Variants in SYNE4 observed in about 807,000 individuals in gnomAD.
SYNE4 encodes spectrin repeat containing nuclear envelope family member 4, also known as nesprin-4.
Under a neutral mutation model 46.9 loss-of-function variants are expected in SYNE4, and 41 were observed. The observed-to-expected ratio is 0.87, with a 90% CI of 0.68 to 1.13. The LOEUF is 1.13. Ranked by LOEUF, SYNE4 falls within the 50% of genes most tolerant of loss-of-function variation. The probability of loss-of-function intolerance (pLI) is 0.00; values close to 1 mark genes in which losing one functional copy is unlikely to be tolerated. For synonymous variants in SYNE4, 221 were observed against 219.5 expected (o/e 1.01, Z -0.06); for missense variants, 492 against 514.8 (o/e 0.96, Z 0.43).
At position 36,006,642 on chromosome 19, in the gene SYNE4, C is replaced by G. The variant is rs773136838; in HGVS notation, c.648G>C (p.Gln216His). The change falls in exon 5 of 8, where the codon CAG becomes CAC. Residue 216 changes from glutamine to histidine, a missense_variant. Coordinates refer to ENST00000324444, the MANE Select transcript of SYNE4 (RefSeq NM_001039876.3). ...CCGAGTCTCCCTCGACCTCCAAGTC[C>G]TGGTCCAGCGTGTTGGCCTCCTCGA... The part of the protein sequence containing the change: ...LVFEEANTLD[Q>H]DLEVEGDSDW... The G allele has an allele frequency of 2.5e-6, 4 of 1,608,764 alleles. No homozygotes were observed. The East Asian group carries it at 6.7e-5, about 27-fold the overall frequency.
chr19:36,007,844 C>T (rs1347856359), intron 2 of SYNE4, among the ~76,000 whole-genome samples: 1 of 151,572 alleles, frequency 6.6e-6, no homozygotes, highest in African/African-American at 2.4e-5. Flanking sequence ...GCCAACAAGT[C>T]GAAAACCCAT....
At chr19:36,006,381 A>C in intron 5 of SYNE4, 42 bp downstream of exon 5, 5 of 1,555,248 alleles carry the variant, frequency 3.2e-6, no homozygotes, top group Non-Finnish European at 4.3e-6. Context: ...AGATGTCCCC[A>C]GGGTGCCTGG....
chr19:36,006,985 C>T (rs1387302413), intron 3 of SYNE4, 41 bp from the exon 4 acceptor site: 2 of 1,531,698 alleles, frequency 1.3e-6, no homozygotes, highest in East Asian at 2.5e-5. Flanking sequence ...ACACCAGGGA[C>T]CCAAAACCTG....
At chr19:36,003,548 T>C (rs771636023) in intron 7 of SYNE4, 28 bp from the exon 8 acceptor site, 4 of 1,599,566 alleles carry the variant, frequency 2.5e-6, no homozygotes, top group Non-Finnish European at 2.6e-6. Flanking sequence ...GTGTTAAACA[T>C]ACAGGTGGGC....
chr19:36,003,477 T>G lies in SYNE4; in HGVS notation c.1075A>C (p.Ile359Leu). The G allele has an allele frequency of 6.2e-7, 1 of 1,608,442 alleles. No individual in the cohort carries two copies. The highest frequency in any genetic ancestry group is 8.5e-7 in the Non-Finnish European group (1 of 1,177,424). Residue 359 changes from isoleucine to leucine, a missense_variant, in exon 8 of 8, where the codon ATC becomes CTC. Physicochemically the swap from Ile to Leu is conservative, Grantham distance 5. Coordinates refer to ENST00000324444, the MANE Select transcript of SYNE4 (RefSeq NM_001039876.3). Reference protein sequence around the residue: ...ASRQPLTFLLILFLLFLLLVG... With the variant: ...ASRQPLTFLLLLFLLFLLLVG... ...AGGAGGAGGAAGAGGAGGAAGAGGATAAGGAGGAAGGTCAGAGGCTGCCTG... is the reference window on the plus strand; with the variant it reads ...AGGAGGAGGAAGAGGAGGAAGAGGAGAAGGAGGAAGGTCAGAGGCTGCCTG...
At position 36,005,697 on chromosome 19, in the gene SYNE4, T is replaced by C. The variant is rs143902403; in HGVS notation, c.868-260A>G. The C allele has an allele frequency of 1.0e-3, 438 of 427,060 alleles. 2 individuals carry two copies. The highest frequency in any genetic ancestry group is 7.7e-3 in the African/African-American group (386 of 50,236). The allele number at this position is 427,060 out of a possible 1,614,324, so 26.5% of individuals were successfully genotyped here. On this transcript the variant is annotated intron_variant, in intron 5 of 7. Transcript: ENST00000324444. ...AAATTCCTGGCCTCCGTGGAGCTTA[T>C]ATTTGACAGGAGAGAGACCATAAAT...
At chr19:36,008,147 T>C in intron 2 of SYNE4, 70 bp downstream of exon 2, 1 of 1,513,732 alleles carries the variant, frequency 6.6e-7, no homozygotes, top group South Asian at 1.3e-5. Context: ...GTCCTCAGTA[T>C]GGAGGCCAGA....
At chr19:36,008,407 C>G in intron 1 of SYNE4, 40 bp from the exon 2 acceptor site, 2 of 1,564,740 alleles carry the variant, frequency 1.3e-6, no homozygotes, top group South Asian at 1.2e-5. Context: ...GTCTCGACAC[C>G]TCACTTTTCA....
chr19:36,006,886 C>A lies in SYNE4; in HGVS notation c.482G>T (p.Gly161Val), dbSNP rs1383128911. 2 of 1,565,616 alleles carry A rather than the reference C, an allele frequency of 1.3e-6. No individual in the cohort carries two copies. The highest frequency in any genetic ancestry group is 2.3e-5 in the South Asian group (2 of 85,376). ...AERVEALLAF[G>V]EGLAQRSEPR... ...CTCACTCCGCTGTGCCAGCCCCTCA[C>A]CAAACGCTAGCAGCGCCTCCACACG... Residue 161 changes from glycine to valine, a missense_variant, in exon 4 of 8, where the codon GGT (glycine) becomes GTT (valine). Gly to Val is a moderately radical substitution (Grantham distance 109). Transcript: ENST00000324444.
In SYNE4 at chr19:36,008,464, G is replaced by A. The variant is rs1968465849; in HGVS notation, c.128+90C>T. The A allele has an allele frequency of 6.9e-6, 11 of 1,602,488 alleles. No homozygotes were observed. The South Asian group carries it at 7.8e-5, about 11-fold the overall frequency. On this transcript the variant is annotated intron_variant, in intron 1 of 7. Coordinates refer to ENST00000324444, the MANE Select transcript of SYNE4 (RefSeq NM_001039876.3). ...GGTGGCCTCTCCTATGTCCCCAGGC[G>A]ATCACAGCCATGGCACCTCCTACCC... is the stretch of plus-strand genomic sequence containing the variant.
At chr19:36,005,810 G>A (rs1976829593) in intron 5 of SYNE4, 1 of 182,684 alleles carries the variant, frequency 5.5e-6, no homozygotes, top group South Asian at 1.2e-4. Context: ...CCTGAGGTCA[G>A]GCGTTCGAGA....
rs773798721 is a variant in SYNE4 at position 36,006,420 on chromosome 19, C to A, written c.867+3G>T. 1 of 1,604,036 alleles carries A rather than the reference C, an allele frequency of 6.2e-7. No homozygotes were observed. Among genetic ancestry groups the A allele is most frequent in the Non-Finnish European group, 8.5e-7 (1 of 1,175,414 alleles). On this transcript the variant is annotated splice_donor_region_variant and intron_variant, in intron 5 of 7. Coordinates refer to ENST00000324444, the MANE Select transcript of SYNE4 (RefSeq NM_001039876.3). The stretch of plus-strand genomic sequence containing the variant: ...AAGGTCCCTCAAGGGGGTCTGCTCT[C>A]ACCTCAAGGCCTTGTCCCCTGCCCT...
intron 6 of SYNE4, among the ~76,000 whole-genome samples, chr19:36,004,870 T>TC (rs1568530437): frequency 1.0e-4 from 12 of 117,850 alleles, no homozygotes; most frequent in Non-Finnish European, 1.4e-4. Flanking sequence ...TTCTTTCTTT[T>TC]TTTTTTTTTT....
rs200942070 is a variant in SYNE4, at chr19:36,006,827, G to A, written c.541C>T (p.Arg181Trp). 106 of 1,602,262 alleles carry A rather than the reference G, an allele frequency of 6.6e-5. No individual in the cohort carries two copies. In the African/African-American group the frequency reaches 9.3e-4, roughly 14 times the overall value. The change falls in exon 4 of 8, where the codon CGG becomes TGG. Residue 181 changes from arginine (R) to tryptophan (W), a missense_variant. By Grantham distance (101) the Arg-to-Trp change is moderately radical. Coordinates refer to ENST00000324444, the MANE Select transcript of SYNE4 (RefSeq NM_001039876.3). ...GAGTCTCGGTAAGCTCCCAGGGCCC[G>A]CAGGATCTGCTCCAGGGCTGCCCAG... The part of the protein sequence containing the change: ...RAWAALEQIL[R>W]ALGAYRDSIF...
rs1178171502 is a variant in SYNE4, at chr19:36,003,468, G to A, written c.1084C>T (p.Leu362Phe). 6.2e-7 allele frequency: 1 copy of A among 1,611,090 alleles called. No homozygotes were observed. The highest frequency in any genetic ancestry group is 8.5e-7 in the Non-Finnish European group (1 of 1,178,666). Residue 362 changes from leucine (L) to phenylalanine (F), a missense_variant, in exon 8 of 8, where the codon CTC becomes TTC. Transcript: ENST00000324444. ...GCACCCACCAGGAGGAGGAAGAGGAGGAAGAGGATAAGGAGGAAGGTCAGA... is the reference window on the plus strand; with the variant it reads ...GCACCCACCAGGAGGAGGAAGAGGAAGAAGAGGATAAGGAGGAAGGTCAGA... The part of the protein sequence containing the change: ...QPLTFLLILF[L>F]LFLLLVGAMF...
chr19:36,008,487 C>T, intron 1 of SYNE4, 67 bp downstream of exon 1: 1 of 1,609,460 alleles, frequency 6.2e-7, no homozygotes, highest in Non-Finnish European at 8.5e-7. Context: ...GCACCTCCTA[C>T]CCTCACATGG....
chr19:36,006,948 G>C lies in SYNE4; in HGVS notation c.424-4C>G, dbSNP rs752761402. 8 of 1,544,348 alleles carry C rather than the reference G, an allele frequency of 5.2e-6. No homozygotes were observed. In the South Asian group the frequency reaches 8.4e-5, roughly 16 times the overall value. The stretch of plus-strand genomic sequence containing the variant: ...CTCGTAGGTCCACCTGGAGGGCCTG[G>C]GGACATATGGACATCACCCCACGCA... On this transcript the variant is annotated splice_polypyrimidine_tract_variant and splice_region_variant and intron_variant, in intron 3 of 7. Transcript: ENST00000324444.
rs1404536729 is a variant in SYNE4, at chr19:36,007,152, C to G, written c.396G>C (p.Leu132Phe). The change falls in exon 3 of 8, where the codon TTG (leucine) becomes TTC (phenylalanine). Residue 132 changes from leucine to phenylalanine, a missense_variant. Leu to Phe is a conservative substitution (Grantham distance 22, BLOSUM62 0). Coordinates refer to ENST00000324444, the MANE Select transcript of SYNE4 (RefSeq NM_001039876.3). ...GCAGCTGCACCATCCCACTCTGGGCCAATGCCCAGTGCCCCAGGCCTTGCT... is the reference window on the plus strand; with the variant it reads ...GCAGCTGCACCATCCCACTCTGGGCGAATGCCCAGTGCCCCAGGCCTTGCT... ...DLEQGLGHWA[L>F]AQSGMVQLQA... is the part of the protein sequence containing the mutation. 1 of 1,596,324 alleles carries G rather than the reference C, an allele frequency of 6.3e-7. No individual in the cohort carries two copies. Among genetic ancestry groups the G allele is most frequent in the Non-Finnish European group, 8.5e-7 (1 of 1,171,942 alleles).
intron 4 of SYNE4, 21 bp from the exon 5 acceptor site, chr19:36,006,692 C>A: frequency 6.3e-7 from 1 of 1,591,932 alleles, no homozygotes; most frequent in South Asian, 1.1e-5. Flanking sequence ...GGACAGAGGT[C>A]ATGGAGGCTA....
Sources: allele counts gnomAD v4.1 joint callset (sites outside exome capture counted in the v4.1 genomes callset), GRCh38; gene constraint gnomAD v4.1.1; transcripts MANE v1.5; gene names NCBI Gene and HGNC (gene_info 2026-07-23, HGNC 2026-07-21).